CSMD1: variants seen among roughly 807,000 people sequenced by gnomAD.
CSMD1 encodes CUB and sushi domain-containing protein 1.
A neutral mutation model predicts 417.5 loss-of-function variants in CSMD1; 213 were observed. The ratio of observed to expected loss-of-function variants is 0.51; its 90% CI spans 0.46 to 0.57. The LOEUF (loss-of-function observed/expected upper bound fraction) is 0.57, where lower values mean the gene tolerates loss of function less well. CSMD1 is among the 20% of genes least tolerant of loss of function. CSMD1 has a pLI of 0.00. For synonymous variants in CSMD1, 2,862 were observed against 1,736.8 expected (o/e 1.65, Z -16.11); for missense variants, 6,923 against 4,529.7 (o/e 1.53, Z -15.17).
intron 1 of CSMD1, among the ~76,000 whole-genome samples, chr8:4,761,908 T>A (rs79035452): frequency 0.1 from 9,598 of 95,412 alleles, 402 homozygotes; most frequent in Non-Finnish European, 0.12. Context: ...TCTATCTATC[T>A]ATCAATCTAT....
chr8:4,233,646 C>A (rs1041705429), intron 3 of CSMD1, among the ~76,000 whole-genome samples: 9 of 152,238 alleles, frequency 5.9e-5, no homozygotes, highest in African/African-American at 2.2e-4. Context: ...TGCTCCAGAT[C>A]TGTGAGAAGC....
At chr8:3,384,355 G>C (rs975588082) in intron 18 of CSMD1, among the ~76,000 whole-genome samples, 2 of 151,882 alleles carry the variant, frequency 1.3e-5, no homozygotes, top group East Asian at 1.9e-4. Flanking sequence ...GCAACACTAT[G>C]TCTTAATAGG....
intron 5 of CSMD1, among the ~76,000 whole-genome samples, chr8:3,859,003 T>C (rs948402468): frequency 6.6e-6 from 1 of 152,212 alleles, no homozygotes; most frequent in Admixed American, 6.5e-5. Flanking sequence ...CACACCTTCA[T>C]AGTGCTATGA....
rs1289752662 is a variant in CSMD1 at position 2,937,443 on chromosome 8, A to C, written c.*1142T>G. 55 of 63,488 alleles carry C rather than the reference A, an allele frequency of 8.7e-4. No individual in the cohort carries two copies. Among genetic ancestry groups the C allele is most frequent in the Middle Eastern group, 0.011 (1 of 88 alleles). The allele number at this position is 63,488 out of a possible 1,614,324, so 3.9% of individuals were successfully genotyped here. On this transcript the variant is annotated 3_prime_UTR_variant, in exon 70 of 70. Coordinates refer to ENST00000635120, the MANE Select transcript of CSMD1 (RefSeq NM_033225.6). Reference sequence around the variant, plus strand: ...TCGATGGCACAGTAAAAGACAAAAAAAAAAAAAAACAAAAAAAAAACACTG... The same window carrying C: ...TCGATGGCACAGTAAAAGACAAAAACAAAAAAAAACAAAAAAAAAACACTG...
At chr8:3,654,864 T>C (rs1798025947) in intron 7 of CSMD1, among the ~76,000 whole-genome samples, 1 of 152,104 alleles carries the variant, frequency 6.6e-6, no homozygotes, top group African/African-American at 2.4e-5. Context: ...CACCCGGACC[T>C]GCCAGCTCTG....
intron 26 of CSMD1, among the ~76,000 whole-genome samples, chr8:3,234,768 A>G (rs992818189): frequency 6.6e-6 from 1 of 152,228 alleles, no homozygotes; most frequent in Admixed American, 6.5e-5. Flanking sequence ...AACACTAATC[A>G]TAGAATACAA....
intron 46 of CSMD1, 73 bp from the exon 47 acceptor site, chr8:3,097,110 C>G (rs1404291545): frequency 2.2e-5 from 26 of 1,187,376 alleles, no homozygotes; most frequent in Non-Finnish European, 3.0e-5. Context: ...GTTTCTATCC[C>G]TGTATAAACA....
At chr8:4,229,655 A>C (rs1801585297) in intron 3 of CSMD1, among the ~76,000 whole-genome samples, 1 of 152,110 alleles carries the variant, frequency 6.6e-6, no homozygotes, top group Non-Finnish European at 1.5e-5. Context: ...CTTAAAGGCC[A>C]TCTTCTTAGT....
chr8:4,730,238 C>CAAAACAT (rs1554460301), intron 1 of CSMD1, among the ~76,000 whole-genome samples: 173 of 151,570 alleles, frequency 1.1e-3, no homozygotes, highest in Middle Eastern at 3.4e-3. Context: ...CAAAACAAAA[C>CAAAACAT]ATATATATAT....
intron 41 of CSMD1, among the ~76,000 whole-genome samples, chr8:3,126,453 T>C (rs935560742): frequency 3.3e-5 from 5 of 152,168 alleles, no homozygotes; most frequent in Non-Finnish European, 7.4e-5. Flanking sequence ...GGCTGCAGTT[T>C]ACATCAAGGT....
intron 3 of CSMD1, among the ~76,000 whole-genome samples, chr8:4,248,289 A>T (rs1802832498): frequency 6.6e-6 from 1 of 152,136 alleles, no homozygotes; most frequent in Non-Finnish European, 1.5e-5. Context: ...TCTTTATACA[A>T]ACAATCTGAA....
At chr8:3,175,860 A>G (rs1209006431) in intron 37 of CSMD1, among the ~76,000 whole-genome samples, 1 of 152,202 alleles carries the variant, frequency 6.6e-6, no homozygotes, top group East Asian at 1.9e-4. Context: ...GAATTAGGAG[A>G]AAAAGTAACC....
intron 41 of CSMD1, chr8:3,128,217 A>G (rs1258866860): frequency 6.6e-6 from 1 of 152,210 alleles, no homozygotes; most frequent in Non-Finnish European, 1.5e-5. Flanking sequence ...TTTAAATCAT[A>G]AGTGCAACGA....
chr8:4,076,129 T>A (rs909813763), intron 3 of CSMD1, among the ~76,000 whole-genome samples: 2 of 152,128 alleles, frequency 1.3e-5, no homozygotes, highest in Non-Finnish European at 2.9e-5. Flanking sequence ...AGGGACCCTG[T>A]AGGAGGTAAC....
intron 8 of CSMD1, among the ~76,000 whole-genome samples, chr8:3,606,387 G>A (rs1458362931): frequency 6.6e-6 from 1 of 152,166 alleles, no homozygotes; most frequent in Admixed American, 6.5e-5. Context: ...TTACTGTACT[G>A]AGTACTGTAG....
chr8:3,528,443 C>T (rs1386395657), intron 10 of CSMD1, among the ~76,000 whole-genome samples: 1 of 152,308 alleles, frequency 6.6e-6, no homozygotes, highest in South Asian at 2.1e-4. Context: ...CTAGCCATGC[C>T]TGCTTCTATG....
intron 1 of CSMD1, among the ~76,000 whole-genome samples, chr8:4,661,398 A>T (rs1159552995): frequency 1.3e-5 from 2 of 152,238 alleles, no homozygotes; most frequent in African/African-American, 4.8e-5. Context: ...CAAACGTTGT[A>T]TGCTATAGGA....
chr8:3,016,744 G>A (rs1357006196), intron 52 of CSMD1, among the ~76,000 whole-genome samples: 1 of 151,840 alleles, frequency 6.6e-6, no homozygotes, highest in Non-Finnish European at 1.5e-5. Context: ...TATAACCTGG[G>A]CATTTTTCTT....
intron 5 of CSMD1, among the ~76,000 whole-genome samples, chr8:3,994,985 A>T (rs551187189): frequency 1.3e-5 from 2 of 152,018 alleles, no homozygotes. Context: ...CTGTGGAATG[A>T]CCCTGTGCTT....
Sources: allele counts gnomAD v4.1 joint callset (sites outside exome capture counted in the v4.1 genomes callset), GRCh38; gene constraint gnomAD v4.1.1; transcripts MANE v1.5; gene names NCBI Gene and HGNC (gene_info 2026-07-23, HGNC 2026-07-21).